UBAC1: variants seen among roughly 807,000 people sequenced by gnomAD.
UBAC1 encodes ubiquitin-associated domain-containing protein 1.
Under a neutral mutation model 45.9 loss-of-function variants are expected in UBAC1, and 27 were observed. The observed-to-expected ratio is 0.59, with a 90% CI of 0.43 to 0.81. The LOEUF (loss-of-function observed/expected upper bound fraction) is 0.81. Ranked by LOEUF, UBAC1 falls within the 30% of genes least tolerant of loss-of-function variation. UBAC1 has a pLI of 0.00. For missense variants in UBAC1, 529 were observed against 539.2 expected (o/e 0.98, Z 0.19); for synonymous variants, 227 against 215.5 (o/e 1.05, Z -0.47).
intron 1 of UBAC1, among the ~76,000 whole-genome samples, chr9:135,955,650 T>C (rs918787122): frequency 6.6e-6 from 1 of 152,200 alleles, no homozygotes; most frequent in East Asian, 1.9e-4. Context: ...CTCCCAGCTC[T>C]GATATACCAC....
At chr9:135,946,700 C>T (rs1463380769) in intron 4 of UBAC1, among the ~76,000 whole-genome samples, 2 of 152,236 alleles carry the variant, frequency 1.3e-5, no homozygotes, top group Non-Finnish European at 2.9e-5. Flanking sequence ...TCTGGCTTCA[C>T]TGAAGAAAAC....
chr9:135,946,242 G>T, intron 5 of UBAC1, 27 bp downstream of exon 5: 1 of 1,518,684 alleles, frequency 6.6e-7, no homozygotes, highest in South Asian at 1.1e-5. Context: ...AACCGCCCTG[G>T]AATGCAGCAT....
intron 1 of UBAC1, among the ~76,000 whole-genome samples, chr9:135,958,341 T>C (rs1015028826): frequency 2.0e-5 from 3 of 152,198 alleles, no homozygotes; most frequent in Non-Finnish European, 4.4e-5. Context: ...GCCACCGTGC[T>C]CAGCCAGGTA....
intron 3 of UBAC1, 106 bp downstream of exon 3, chr9:135,953,574 T>A (rs557901779): frequency 2.2e-6 from 2 of 905,796 alleles, no homozygotes; most frequent in East Asian, 6.2e-5. Flanking sequence ...CGCCTCGGCC[T>A]CCCAAAGTGC....
chr9:135,944,447 G>GA (rs1460799361), intron 7 of UBAC1, among the ~76,000 whole-genome samples: 3 of 152,224 alleles, frequency 2.0e-5, no homozygotes, highest in African/African-American at 7.2e-5. Flanking sequence ...GAGACAGACA[G>GA]AAACCTCCAA....
chr9:135,956,522 G>A (rs1041329084), intron 1 of UBAC1, among the ~76,000 whole-genome samples: 8 of 152,068 alleles, frequency 5.3e-5, no homozygotes, highest in Admixed American at 3.9e-4. Context: ...TGCCCAAGTC[G>A]GTCCAGAGCT....
chr9:135,960,176 C>T (rs1451796740), intron 1 of UBAC1, among the ~76,000 whole-genome samples: 4 of 152,174 alleles, frequency 2.6e-5, no homozygotes, highest in Non-Finnish European at 5.9e-5. Flanking sequence ...TCTGCCAAGC[C>T]CTCAGATCAT....
At chr9:135,936,955 G>C (rs1839208621) in intron 9 of UBAC1, among the ~76,000 whole-genome samples, 1 of 152,230 alleles carries the variant, frequency 6.6e-6, no homozygotes, top group Admixed American at 6.5e-5. Flanking sequence ...TCCAGGAGGT[G>C]AGGACCTTTC....
chr9:135,946,181 C>CGGTCAGTG (rs1431125766), intron 5 of UBAC1, 88 bp downstream of exon 5: 1 of 1,102,802 alleles, frequency 9.1e-7, no homozygotes, highest in Non-Finnish European at 1.4e-6. Context: ...ACTGAGGTTC[C>CGGTCAGTG]GGTCAGTGGT....
chr9:135,960,876 G>A lies in UBAC1; in HGVS notation c.138+149C>T, dbSNP rs188601794. The A allele has an allele frequency of 7.0e-4, 447 of 634,796 alleles. 3 individuals are homozygous for A. In the East Asian group the frequency reaches 0.014, roughly 20 times the overall value. The allele number at this position is 634,796 out of a possible 1,614,324, so 39.3% of individuals were successfully genotyped here. A position where few individuals can be genotyped will look rare whatever the true frequency, so the allele number is the denominator to read the frequency against. ...GGAGAGTCGGGCAAACGGGCAGGAG[G>A]CGCTGCCTCCACCCCCGGAGGAGAG... On this transcript the variant is annotated intron_variant, in intron 1 of 9. Coordinates refer to ENST00000371756, the MANE Select transcript of UBAC1 (RefSeq NM_016172.3).
intron 1 of UBAC1, among the ~76,000 whole-genome samples, chr9:135,955,700 G>C (rs553142899): frequency 3.9e-5 from 6 of 152,290 alleles, no homozygotes; most frequent in African/African-American, 1.4e-4. Flanking sequence ...TTGCTTCTTT[G>C]GTCTAGAAAG....
At chr9:135,956,093 G>A (rs964127450) in intron 1 of UBAC1, among the ~76,000 whole-genome samples, 12 of 152,188 alleles carry the variant, frequency 7.9e-5, no homozygotes, top group African/African-American at 2.4e-4. Flanking sequence ...TGCCACACCC[G>A]GGCAGGGAAC....
At chr9:135,955,739 G>A (rs556652978) in intron 1 of UBAC1, among the ~76,000 whole-genome samples, 1 of 152,292 alleles carries the variant, frequency 6.6e-6, no homozygotes, top group Non-Finnish European at 1.5e-5. Context: ...AATGAAAACA[G>A]CAGATCCATT....
At chr9:135,954,675 CTG>C (rs958182656) in intron 2 of UBAC1, among the ~76,000 whole-genome samples, 1 of 152,204 alleles carries the variant, frequency 6.6e-6, no homozygotes, top group Non-Finnish European at 1.5e-5. Context: ...CTGAAAAAGT[CTG>C]TGAGGGTGGA....
chr9:135,961,028 C>G lies in UBAC1; in HGVS notation c.135G>C (p.Lys45Asn). The change falls in exon 1 of 10, where the codon AAG becomes AAC. Residue 45 changes from lysine to asparagine, a missense_variant. By Grantham distance (94) the Lys-to-Asn change is moderately conservative. Transcript: ENST00000371756. ...SVEKLKERCL[K>N]HCAHGSLEDP... ...AGGGGAGGGGGCCCGGCCTTACGTG[C>G]TTGAGGCAGCGCTCCTTGAGCTTCT... is the stretch of plus-strand genomic sequence containing the variant. 1 of 1,559,752 alleles carries G rather than the reference C, an allele frequency of 6.4e-7. No homozygotes were observed. Among genetic ancestry groups the G allele is most frequent in the Non-Finnish European group, 8.6e-7 (1 of 1,158,564 alleles).
Position 135,955,473 on chromosome 9 carries a change from T to C in UBAC1, c.139-58A>G, listed in dbSNP as rs1022349990. On this transcript the variant is annotated intron_variant, in intron 1 of 9. Transcript: ENST00000371756. The stretch of plus-strand genomic sequence containing the variant: ...TAAGTAAATCGTAATTCTAATAATA[T>C]AGGACCTGGCATCCCAAGCTACACC... 6.2e-6 allele frequency: 9 copies of C among 1,448,282 alleles called. No individual in the cohort carries two copies. In the Admixed American group the frequency reaches 1.0e-4, roughly 16 times the overall value. 89.7% of individuals were successfully genotyped at this position (1,448,282 alleles called of 1,614,324 possible).
At chr9:135,955,161 T>C in intron 2 of UBAC1, 134 bp downstream of exon 2, 1 of 927,312 alleles carries the variant, frequency 1.1e-6, no homozygotes, top group Non-Finnish European at 1.5e-6. Flanking sequence ...AGAATGCTTT[T>C]AGTCGATCTC....
chr9:135,953,435 G>A (rs572261050), intron 3 of UBAC1, among the ~76,000 whole-genome samples: 4 of 152,246 alleles, frequency 2.6e-5, no homozygotes, highest in Non-Finnish European at 5.9e-5. Flanking sequence ...TCCTGCCTCA[G>A]CCTCCTGAGC....
intron 7 of UBAC1, among the ~76,000 whole-genome samples, chr9:135,940,732 C>A (rs1392100759): frequency 6.6e-6 from 1 of 152,164 alleles, no homozygotes; most frequent in Non-Finnish European, 1.5e-5. Context: ...ATCCTCTACT[C>A]TGGAGATTTA....
Sources: gnomAD v4.1 joint callset for allele counts (sites outside exome capture counted in the v4.1 genomes callset) on GRCh38, gnomAD v4.1.1 for gene constraint, MANE v1.5 for transcripts, NCBI Gene and HGNC (gene_info 2026-07-23, HGNC 2026-07-21) for gene names.